Variants in CARMIL1 observed in about 807,000 individuals in gnomAD.
CARMIL1 encodes capping protein regulator and myosin 1 linker 1, also known as F-actin-uncapping protein LRRC16A.
In CARMIL1, 90 loss-of-function variants were observed where a neutral mutation model predicts 177.1. The ratio of observed to expected loss-of-function variants is 0.51; its 90% CI spans 0.43 to 0.61. The LOEUF (loss-of-function observed/expected upper bound fraction) is 0.61, where lower values mean the gene tolerates loss of function less well. CARMIL1 is among the 20% of genes least tolerant of loss of function. CARMIL1 has a pLI of 0.00. For synonymous variants in CARMIL1, 577 were observed against 606.2 expected, an observed-to-expected ratio of 0.95 and a Z score of 0.71; for missense variants, 1,380 against 1,667.0, an observed-to-expected ratio of 0.83 and a Z score of 3.00.
chr6:25,552,576 G>C lies in CARMIL1; in HGVS notation c.2505-1433G>C, dbSNP rs531996512. 7.2e-4 allele frequency among the ~76,000 whole-genome samples: 110 copies of C among 152,306 alleles called. 2 individuals carry two copies. In the South Asian group the frequency reaches 0.021, roughly 29 times the overall value. On this transcript the variant is annotated intron_variant, in intron 27 of 36. Coordinates refer to ENST00000329474, the MANE Select transcript of CARMIL1 (RefSeq NM_017640.6). ...ATGCACATTTGCATGGGCAGGTTAA[G>C]TTGACTGTTTTCCTCTAAAACCTTT... is the stretch of plus-strand genomic sequence containing the variant.
chr6:25,409,610 G>A (rs1794727598), intron 2 of CARMIL1, among the ~76,000 whole-genome samples: 1 of 152,224 alleles, frequency 6.6e-6, no homozygotes, highest in South Asian at 2.1e-4. Flanking sequence ...TAGCCTCATG[G>A]TGGATCCCGC....
chr6:25,492,281 G>A (rs1255057277), intron 15 of CARMIL1, among the ~76,000 whole-genome samples: 1 of 152,178 alleles, frequency 6.6e-6, no homozygotes, highest in African/African-American at 2.4e-5. Flanking sequence ...TATGTGGTCA[G>A]GCAATCTGTC....
At position 25,581,257 on chromosome 6, in the gene CARMIL1, C is replaced by A. The variant is rs764254508; in HGVS notation, c.2824C>A (p.Leu942Ile). ...VSRAFEMEFDLDKALEEVPIH... is the reference protein window; with the variant it reads ...VSRAFEMEFDIDKALEEVPIH... The stretch of plus-strand genomic sequence containing the variant: ...TTTAATTTTAGAAATGGAGTTTGAT[C>A]TAGATAAAGCGCTGGAAGAGGTACC... The change falls in exon 31 of 37, where the codon CTA (leucine) becomes ATA (isoleucine). Residue 942 changes from leucine to isoleucine, a missense_variant. Coordinates refer to ENST00000329474, the MANE Select transcript of CARMIL1 (RefSeq NM_017640.6). 1 of 1,612,444 alleles carries A rather than the reference C, an allele frequency of 6.2e-7. No homozygotes were observed. Among genetic ancestry groups the A allele is most frequent in the South Asian group, 1.1e-5 (1 of 90,616 alleles).
intron 4 of CARMIL1, among the ~76,000 whole-genome samples, chr6:25,431,799 G>A (rs1372772595): frequency 2.6e-5 from 4 of 152,060 alleles, no homozygotes; most frequent in Non-Finnish European, 4.4e-5. Flanking sequence ...GTATAAAGCC[G>A]TCTGTCTCAG....
chr6:25,346,351 C>G (rs1018372498), intron 2 of CARMIL1, among the ~76,000 whole-genome samples: 1 of 152,178 alleles, frequency 6.6e-6, no homozygotes, highest in Non-Finnish European at 1.5e-5. Flanking sequence ...TTCCCTCTGC[C>G]TGGAATTCCC....
chr6:25,499,271 C>CT (rs1206385283), intron 16 of CARMIL1, among the ~76,000 whole-genome samples: 52 of 152,200 alleles, frequency 3.4e-4, no homozygotes, highest in African/African-American at 1.2e-3. Flanking sequence ...TTCCACTCTT[C>CT]TAGTACTTAC....
intron 20 of CARMIL1, among the ~76,000 whole-genome samples, chr6:25,511,851 G>C (rs1037577145): frequency 2.0e-5 from 3 of 152,134 alleles, no homozygotes; most frequent in Non-Finnish European, 4.4e-5. Context: ...TTTTCAATCT[G>C]TGGGCTAGAA....
At position 25,515,014 on chromosome 6, in the gene CARMIL1, A is replaced by T. The variant is rs2151061867; in HGVS notation, c.1633-661A>T. Among the ~76,000 whole-genome samples, 1 of 152,232 alleles carries T rather than the reference A, an allele frequency of 6.6e-6. No individual in the cohort carries two copies. Among genetic ancestry groups the T allele is most frequent in the African/African-American group, 2.4e-5 (1 of 41,544 alleles). The stretch of plus-strand genomic sequence containing the variant: ...TAGGGAGATGTGGTATAGGGTTAGG[A>T]GCATGAAATCTGGAACCAGTACATC... On this transcript the variant is annotated intron_variant, in intron 20 of 36. Coordinates refer to ENST00000329474, the MANE Select transcript of CARMIL1 (RefSeq NM_017640.6). This position sits in a 1 kb window ranked among gnomAD's most constrained non-coding sequence, Gnocchi z 5.0.
Position 25,540,053 on chromosome 6 carries a change from C to T in CARMIL1, c.2303C>T (p.Thr768Ile). 6.2e-7 allele frequency: 1 copy of T among 1,608,120 alleles called. No homozygotes were observed. Among genetic ancestry groups the T allele is most frequent in the Non-Finnish European group, 8.5e-7 (1 of 1,177,922 alleles). ...ETLESMAGEV[T>I]RVVDEQLKAL... Reference sequence around the variant, plus strand: ...CTGGAATCAATGGCTGGAGAAGTTACAAGAGTAGTAGATGAACAACTAAAG... The same window carrying T: ...CTGGAATCAATGGCTGGAGAAGTTATAAGAGTAGTAGATGAACAACTAAAG... The change falls in exon 26 of 37, where the codon ACA (threonine) becomes ATA (isoleucine). Residue 768 changes from threonine (T) to isoleucine (I), a missense_variant. By Grantham distance (89) the Thr-to-Ile change is moderately conservative. Coordinates refer to ENST00000329474, the MANE Select transcript of CARMIL1 (RefSeq NM_017640.6).
intron 2 of CARMIL1, among the ~76,000 whole-genome samples, chr6:25,336,167 C>T (rs1786206583): frequency 6.6e-6 from 1 of 151,906 alleles, no homozygotes; most frequent in Non-Finnish European, 1.5e-5. Flanking sequence ...GTTTTCTGCC[C>T]CCTGTCTCGC....
At chr6:25,291,495 G>C (rs1317660951) in intron 2 of CARMIL1, among the ~76,000 whole-genome samples, 3 of 152,130 alleles carry the variant, frequency 2.0e-5, no homozygotes, top group Non-Finnish European at 4.4e-5. Context: ...TGCTTTTCTA[G>C]TTTGCCAGTC....
intron 26 of CARMIL1, among the ~76,000 whole-genome samples, chr6:25,549,169 A>G (rs145600526): frequency 1.7e-3 from 265 of 152,282 alleles, no homozygotes; most frequent in African/African-American, 6.3e-3. Flanking sequence ...ACTTAATACT[A>G]CTCACTTAAC....
rs758140119 is a variant in CARMIL1 at position 25,600,449 on chromosome 6, G to A, written c.3255G>A (p.Thr1085=). The part of the protein sequence containing the change: ...KSRSKSERPP[T]ILMTEEPSSP... Reference sequence around the variant, plus strand: ...GGTCCAAATCCGAGCGACCACCAACGATCTTGATGACAGAAGAACCCTCCT... The same window carrying A: ...GGTCCAAATCCGAGCGACCACCAACAATCTTGATGACAGAAGAACCCTCCT... Residue 1085 remains threonine, a synonymous_variant, in exon 33 of 37, where the codon ACG becomes ACA. Coordinates refer to ENST00000329474, the MANE Select transcript of CARMIL1 (RefSeq NM_017640.6). 5 of 1,613,876 alleles carry A rather than the reference G, an allele frequency of 3.1e-6. No homozygotes were observed. The highest frequency in any genetic ancestry group is 2.2e-5 in the East Asian group (1 of 44,898).
chr6:25,446,899 A>T (rs1798286591), intron 5 of CARMIL1, among the ~76,000 whole-genome samples: 1 of 152,184 alleles, frequency 6.6e-6, no homozygotes, highest in East Asian at 1.9e-4. Flanking sequence ...GGAGAGACAG[A>T]GAGGAATGGT....
At chr6:25,332,509 G>A (rs556684702) in intron 2 of CARMIL1, among the ~76,000 whole-genome samples, 1 of 152,040 alleles carries the variant, frequency 6.6e-6, no homozygotes, top group Non-Finnish European at 1.5e-5. Context: ...GGGGAATGAG[G>A]GAAAAAGAAG....
chr6:25,440,972 A>T (rs765931375), intron 5 of CARMIL1, among the ~76,000 whole-genome samples: 3 of 152,044 alleles, frequency 2.0e-5, no homozygotes, highest in Non-Finnish European at 4.4e-5. Context: ...GAAAATTCTC[A>T]GTTTGGGTAA....
rs577056066 is a variant in CARMIL1 at position 25,300,509 on chromosome 6, T to TACAAAAATTAATGGGGC, written c.138+15601_138+15602insCAAAAATTAATGGGGCA. On this transcript the variant is annotated intron_variant, in intron 2 of 36. Transcript: ENST00000329474. ...TGGCAAACTCCTGTCTCTGCTAAAATATGGAGGCACACACTTGTAATCCCA... is the reference window on the plus strand; with the variant it reads ...TGGCAAACTCCTGTCTCTGCTAAAATACAAAAATTAATGGGGCATGGAGGCACACACTTGTAATCCCA... Among the ~76,000 whole-genome samples, 488 of 152,134 alleles carry TACAAAAATTAATGGGGC rather than the reference T, an allele frequency of 3.2e-3. 4 individuals are homozygous for TACAAAAATTAATGGGGC. The highest frequency in any genetic ancestry group is 0.011 in the African/African-American group (451 of 41,534).
At chr6:25,512,300 G>A (rs1805530952) in intron 20 of CARMIL1, among the ~76,000 whole-genome samples, 1 of 152,132 alleles carries the variant, frequency 6.6e-6, no homozygotes, top group Admixed American at 6.5e-5. Flanking sequence ...AACCATATCT[G>A]CAGATGATAA....
At chr6:25,423,395 G>A (rs1248102186) in intron 3 of CARMIL1, among the ~76,000 whole-genome samples, 1 of 152,190 alleles carries the variant, frequency 6.6e-6, no homozygotes, top group Non-Finnish European at 1.5e-5. Flanking sequence ...GTAATTATGA[G>A]ATCAAAGAAG....
Sources: allele counts gnomAD v4.1 joint callset (sites outside exome capture counted in the v4.1 genomes callset), GRCh38; gene constraint gnomAD v4.1.1; non-coding constraint Gnocchi (gnomAD v3.1); transcripts MANE v1.5; gene names NCBI Gene and HGNC (gene_info 2026-07-23, HGNC 2026-07-21).